The following CNOT7 variants were observed in gnomAD, a reference collection of about 807,000 sequenced individuals.
The protein encoded by CNOT7 is BTG1-binding factor 1.
Under a neutral mutation model 37.1 loss-of-function variants are expected in CNOT7, and 4 were observed. That is an observed-to-expected ratio of 0.11 (90% CI 0.05 to 0.25). The LOEUF is 0.25. Among genes scored for constraint, CNOT7 ranks in the 10% least tolerant of loss-of-function variants. CNOT7 has a pLI of 1.00. For synonymous variants in CNOT7, 128 were observed against 115.6 expected (o/e 1.11, Z -0.69); for missense variants, 170 against 336.2 (o/e 0.51, Z 3.87).
intron 1 of CNOT7, 71 bp from the exon 2 acceptor site, chr8:17,245,318 G>A (rs1219610658): frequency 1.1e-5 from 7 of 654,466 alleles, no homozygotes; most frequent in East Asian, 3.3e-5. Flanking sequence ...TGATCCAGCA[G>A]GAACCTAAGA....
rs1212907525 is a variant in CNOT7, at chr8:17,244,315, G to C, written c.117+721C>G. On this transcript the variant is annotated intron_variant, in intron 2 of 6. Transcript: ENST00000361272. ...AACACAGTATATTCACAGAACTCCA[G>C]TGTTAATTATGAAAACAAATTGCAG... The C allele has an allele frequency of 2.0e-5, 3 of 152,292 alleles. No homozygotes were observed. In the East Asian group the frequency reaches 5.8e-4, roughly 29 times the overall value. 9.4% of individuals were successfully genotyped at this position (152,292 alleles called of 1,614,324 possible).
chr8:17,241,930 C>T (rs1166519752), intron 3 of CNOT7: 1 of 152,182 alleles, frequency 6.6e-6, no homozygotes, highest in Admixed American at 6.5e-5. Context: ...TAATTATTTG[C>T]TCCATTATTC....
rs567948666 is a variant in CNOT7, at chr8:17,228,593, A to G, written c.*2127T>C. 6.6e-6 allele frequency: 1 copy of G among 152,072 alleles called. No individual in the cohort carries two copies. The highest frequency in any genetic ancestry group is 1.5e-5 in the Non-Finnish European group (1 of 67,840). 9.4% of individuals were successfully genotyped at this position (152,072 alleles called of 1,614,324 possible). On this transcript the variant is annotated 3_prime_UTR_variant, in exon 7 of 7. Coordinates refer to ENST00000361272, the MANE Select transcript of CNOT7 (RefSeq NM_013354.7). ...AAACTATAACCCCATCTTTGGTCCTAAGGCGCTCCTAAACTTTTGATGGGG... is the reference window on the plus strand; with the variant it reads ...AAACTATAACCCCATCTTTGGTCCTGAGGCGCTCCTAAACTTTTGATGGGG...
intron 6 of CNOT7, among the ~76,000 whole-genome samples, chr8:17,231,228 C>CA (rs1808562276): frequency 6.6e-6 from 1 of 151,992 alleles, no homozygotes; most frequent in Admixed American, 6.6e-5. Context: ...AATCTGTATG[C>CA]AAGGCTGAGC....
chr8:17,225,960 A>G lies in CNOT7; in HGVS notation c.*4760T>C, dbSNP rs1808122961. Reference sequence around the variant, plus strand: ...CCCAGAGGAGCCACTGCATTTGGCAATGCAGATGAAATAGCAAACAGGACA... The same window carrying G: ...CCCAGAGGAGCCACTGCATTTGGCAGTGCAGATGAAATAGCAAACAGGACA... On this transcript the variant is annotated 3_prime_UTR_variant, in exon 7 of 7. Transcript: ENST00000361272. 7.8e-6 allele frequency: 1 copy of G among 128,164 alleles called. No individual in the cohort carries two copies. Among genetic ancestry groups the G allele is most frequent in the African/African-American group, 3.3e-5 (1 of 29,916 alleles). The allele number at this position is 128,164 out of a possible 1,614,324, so 7.9% of individuals were successfully genotyped here. A position where few individuals can be genotyped will look rare whatever the true frequency, so the allele number is the denominator to read the frequency against.
intron 6 of CNOT7, chr8:17,232,066 C>G (rs373007182): frequency 9.7e-7 from 1 of 1,025,914 alleles, no homozygotes. Flanking sequence ...GTAGGAGGAG[C>G]ACCAATGGGA....
Position 17,234,782 on chromosome 8 carries a change from G to A in CNOT7, c.552C>T (p.Ile184=), listed in dbSNP as rs1809117080. 6.2e-7 allele frequency: 1 copy of A among 1,613,928 alleles called. No individual in the cohort carries two copies. The highest frequency in any genetic ancestry group is 8.5e-7 in the Non-Finnish European group (1 of 1,179,890). The change falls in exon 5 of 7, where the codon ATC becomes ATT. Residue 184 remains isoleucine (I), a synonymous_variant. Transcript: ENST00000361272. The part of the protein sequence containing the change: ...LPEEELDFFE[I]LRLFFPVIYD... ...AAATGACAGGAAAAAACAATCGAAGGATCTCAAAGAAGTCAAGTTCTTCTT... is the reference window on the plus strand; with the variant it reads ...AAATGACAGGAAAAAACAATCGAAGAATCTCAAAGAAGTCAAGTTCTTCTT...
At position 17,234,867 on chromosome 8, in the gene CNOT7, A is replaced by T; in HGVS notation, c.474-7T>A. 4.3e-6 allele frequency: 7 copies of T among 1,612,776 alleles called. No individual in the cohort carries two copies. Among genetic ancestry groups the T allele is most frequent in the African/African-American group, 1.3e-5 (1 of 74,938 alleles). ...GTAGCCAAAGTCGTAACCGCTATAA[A>T]AGGGTTAAAAGAATAGAGAAGAGGG... On this transcript the variant is annotated splice_region_variant and splice_polypyrimidine_tract_variant and intron_variant, in intron 4 of 6. Coordinates refer to ENST00000361272, the MANE Select transcript of CNOT7 (RefSeq NM_013354.7).
intron 2 of CNOT7, 96 bp from the exon 3 acceptor site, chr8:17,243,281 T>A: frequency 1.1e-6 from 1 of 908,618 alleles, no homozygotes. Flanking sequence ...ATCCTACAGA[T>A]GATATTCTAC....
At chr8:17,245,804 C>G (rs552338643) in intron 1 of CNOT7, 3 of 152,024 alleles carry the variant, frequency 2.0e-5, no homozygotes, top group Admixed American at 1.3e-4. Context: ...AGTTGCAGAA[C>G]GGAAAAAGAA....
rs769280665 is a variant in CNOT7 at position 17,232,520 on chromosome 8, C to G, written c.636G>C (p.Val212=). 5 of 1,613,956 alleles carry G rather than the reference C, an allele frequency of 3.1e-6. No homozygotes were observed. The highest frequency in any genetic ancestry group is 2.2e-5 in the East Asian group (1 of 44,860). The change falls in exon 6 of 7, where the codon GTG becomes GTC. Residue 212 remains valine, a synonymous_variant. Transcript: ENST00000361272. ...CKNLKGGLQE[V]AEQLELERIG... is the part of the protein sequence containing the mutation. ...TCCGTTCCAGCTCTAACTGTTCTGC[C>G]ACCTCCTGTAATCCACCCTAGAAAA...
Position 17,243,136 on chromosome 8 carries a change from C to G in CNOT7, c.167G>C (p.Ser56Thr), listed in dbSNP as rs1810418787. 1.2e-6 allele frequency: 2 copies of G among 1,606,714 alleles called. No individual in the cohort carries two copies. Among genetic ancestry groups the G allele is most frequent in the Admixed American group, 3.5e-5 (2 of 57,690 alleles). Residue 56 changes from serine (S) to threonine (T), a missense_variant, in exon 3 of 7, where the codon AGC (serine) becomes ACC (threonine). Ser to Thr is a moderately conservative substitution (Grantham distance 58). This residue lies in a region of CNOT7 where 18 missense variants were observed against 57.0 expected (regional missense o/e 0.32). Coordinates refer to ENST00000361272, the MANE Select transcript of CNOT7 (RefSeq NM_013354.7). The part of the protein sequence containing the change: ...VVARPIGEFR[S>T]NADYQYQLLR... ...TAGTTGGTATTGATAGTCAGCATTG[C>G]TCCTGAATTCTCCAATGGGTCTTGC...
chr8:17,231,188 A>G (rs554845742), intron 6 of CNOT7, among the ~76,000 whole-genome samples: 105 of 152,198 alleles, frequency 6.9e-4, no homozygotes, highest in Admixed American at 1.0e-3. Flanking sequence ...ATGGTGGGGG[A>G]AAAAAAGTTT....
rs545387046 is a variant in CNOT7, at chr8:17,233,861, T to C, written c.618+855A>G. On this transcript the variant is annotated intron_variant, in intron 5 of 6. Transcript: ENST00000361272. ...CTTCAGTTATCTGTTAAGACCAGCG[T>C]GACCAACACGGTAAAACCCCGACTC... Among the ~76,000 whole-genome samples the C allele has an allele frequency of 3.3e-5, 5 of 152,320 alleles. No individual in the cohort carries two copies. In the South Asian group the frequency reaches 6.2e-4, roughly 19 times the overall value.
chr8:17,242,846 C>G (rs1810375441), intron 3 of CNOT7, 146 bp downstream of exon 3: 1 of 471,950 alleles, frequency 2.1e-6, no homozygotes, highest in South Asian at 5.2e-5. Flanking sequence ...AAAAGAAAAC[C>G]ACGCTTTTGA....
chr8:17,231,483 A>G, intron 6 of CNOT7: 1 of 972,072 alleles, frequency 1.0e-6, no homozygotes, highest in African/African-American at 1.8e-5. Context: ...ATGAATGGAT[A>G]GTCCAAATCA....
chr8:17,237,230 T>C lies in CNOT7; in HGVS notation c.455A>G (p.Lys152Arg), dbSNP rs548128564. 9.3e-5 allele frequency: 150 copies of C among 1,614,112 alleles called. 2 individuals carry two copies. The South Asian group carries it at 1.6e-3, about 17-fold the overall frequency. ...TSGVVLCEGVKWLSFHSGYDF... is the reference protein window; with the variant it reads ...TSGVVLCEGVRWLSFHSGYDF... The stretch of plus-strand genomic sequence containing the variant: ...GTTTTACCTATGAAATGACAACCAT[T>C]TGACCCCTTCACAGAGGACCACTCC... The change falls in exon 4 of 7, where the codon AAA becomes AGA. Residue 152 changes from lysine (K) to arginine (R), a missense_variant. Physicochemically the swap from Lys to Arg is conservative, Grantham distance 26. This residue lies in a region of CNOT7 where 68 missense variants were observed against 151.1 expected (regional missense o/e 0.45). Transcript: ENST00000361272.
chr8:17,237,235 C>T lies in CNOT7; in HGVS notation c.450G>A (p.Gly150=). The change falls in exon 4 of 7, where the codon GGG becomes GGA. Residue 150 remains glycine, a synonymous_variant. Transcript: ENST00000361272. ...ACCTATGAAATGACAACCATTTGACCCCTTCACAGAGGACCACTCCAGAAG... is the reference window on the plus strand; with the variant it reads ...ACCTATGAAATGACAACCATTTGACTCCTTCACAGAGGACCACTCCAGAAG... ...LMTSGVVLCE[G]VKWLSFHSGY... The T allele has an allele frequency of 2.5e-6, 4 of 1,613,938 alleles. No homozygotes were observed. In the East Asian group the frequency reaches 8.9e-5, roughly 36 times the overall value.
Position 17,228,150 on chromosome 8 carries a change from A to G in CNOT7, c.*2570T>C, listed in dbSNP as rs1340921371. The G allele has an allele frequency of 6.6e-6, 1 of 151,944 alleles. No homozygotes were observed. The highest frequency in any genetic ancestry group is 1.5e-5 in the Non-Finnish European group (1 of 67,836). The allele number at this position is 151,944 out of a possible 1,614,324, so 9.4% of individuals were successfully genotyped here. A position where few individuals can be genotyped will look rare whatever the true frequency, so the allele number is the denominator to read the frequency against. The stretch of plus-strand genomic sequence containing the variant: ...TTTTGATTATTTTTCCCAACCATTT[A>G]AAAGCCATTTTCAGTTCATGGGCCA... On this transcript the variant is annotated 3_prime_UTR_variant, in exon 7 of 7. Transcript: ENST00000361272.
Sources: gnomAD v4.1 joint callset for allele counts (sites outside exome capture counted in the v4.1 genomes callset) on GRCh38, gnomAD v4.1.1 for gene constraint, gnomAD v4.1.1 regional missense constraint, MANE v1.5 for transcripts, NCBI Gene and HGNC (gene_info 2026-07-23, HGNC 2026-07-21) for gene names.